Variants in KLRG1 observed in about 807,000 individuals in gnomAD.
KLRG1 encodes killer cell lectin like receptor G1.
Under a neutral mutation model 21.8 loss-of-function variants are expected in KLRG1, and 16 were observed. The ratio of observed to expected loss-of-function variants is 0.73; its 90% confidence interval spans 0.50 to 1.11. The LOEUF is 1.11. Ranked by LOEUF, KLRG1 falls within the 50% of genes most tolerant of loss-of-function variation. KLRG1 has a pLI of 0.00. For missense variants in KLRG1, 173 were observed against 218.3 expected, an observed-to-expected ratio of 0.79 and a Z score of 1.31; for synonymous variants, 69 against 75.9, an observed-to-expected ratio of 0.91 and a Z score of 0.47.
the KLRG1 span, among the ~76,000 whole-genome samples, chr12:9,120,560 T>C: frequency 6.6e-6 from 1 of 152,258 alleles, no homozygotes; most frequent in Non-Finnish European, 1.5e-5. Flanking sequence ...ATATAACTTA[T>C]TTAATTGTAC....
chr12:9,202,192 T>C, the KLRG1 span: 1 of 834,414 alleles, frequency 1.2e-6, no homozygotes, highest in South Asian at 1.7e-5. Flanking sequence ...AAATCTGTGC[T>C]GAGGCTGGAG....
At chr12:9,056,289 T>C in the KLRG1 span, among the ~76,000 whole-genome samples, 1 of 152,136 alleles carries the variant, frequency 6.6e-6, no homozygotes, top group Non-Finnish European at 1.5e-5. Context: ...TGGGGAAATA[T>C]ATAGACATGG....
the KLRG1 span, among the ~76,000 whole-genome samples, chr12:9,049,424 G>A: frequency 6.6e-6 from 1 of 152,064 alleles, no homozygotes; most frequent in Non-Finnish European, 1.5e-5. Flanking sequence ...TGGAGCTGGG[G>A]TTTAGAGTCA....
intron 1 of KLRG1, among the ~76,000 whole-genome samples, chr12:8,961,562 A>C (rs570018037): frequency 1.3e-5 from 2 of 150,206 alleles, no homozygotes; most frequent in African/African-American, 4.9e-5. Flanking sequence ...ACAGGCACCC[A>C]CCACCATGCT....
the KLRG1 span, chr12:9,106,171 C>T: frequency 1.1e-6 from 1 of 946,186 alleles, no homozygotes; most frequent in Non-Finnish European, 1.7e-6. Flanking sequence ...TTAGCACAAA[C>T]CATAACTATT....
the KLRG1 span, among the ~76,000 whole-genome samples, chr12:9,034,620 G>A: frequency 1.3e-5 from 2 of 151,922 alleles, no homozygotes; most frequent in African/African-American, 4.8e-5. Flanking sequence ...CTAATTTTTT[G>A]TATTTTTAGT....
the KLRG1 span, among the ~76,000 whole-genome samples, chr12:9,076,227 A>G: frequency 0.38 from 57,509 of 152,106 alleles, 11,618 homozygotes; most frequent in African/African-American, 0.49. Context: ...TGATATGTTA[A>G]TTGTAATAAC....
chr12:8,969,172 C>T (rs1048696172), intron 1 of KLRG1, among the ~76,000 whole-genome samples: 1 of 152,200 alleles, frequency 6.6e-6, no homozygotes, highest in African/African-American at 2.4e-5. Flanking sequence ...AAAACCGTGT[C>T]TGGCTCCTCC....
the KLRG1 span, chr12:9,149,675 C>A: frequency 2.0e-6 from 3 of 1,465,794 alleles, no homozygotes; most frequent in African/African-American, 2.8e-5. Flanking sequence ...TCTGTCTAGT[C>A]ACTTTACTAC....
chr12:8,959,566 C>G (rs1057118402), intron 1 of KLRG1, among the ~76,000 whole-genome samples: 2 of 152,164 alleles, frequency 1.3e-5, no homozygotes, highest in African/African-American at 4.8e-5. Flanking sequence ...TGTCGTTCTC[C>G]TCACTTGGCT....
At chr12:9,029,212 T>A in the KLRG1 span, 17 of 179,632 alleles carry the variant, frequency 9.5e-5, no homozygotes, top group Admixed American at 4.3e-4. Context: ...TTTTAAAATT[T>A]TTTATTTATT....
the KLRG1 span, among the ~76,000 whole-genome samples, chr12:9,175,616 G>A: frequency 2.0e-5 from 3 of 151,824 alleles, no homozygotes; most frequent in Admixed American, 6.6e-5. Context: ...AAATTTACAA[G>A]AAATAAAAAC....
intron 1 of KLRG1, among the ~76,000 whole-genome samples, chr12:8,977,322 G>GC (rs1946673350): frequency 6.6e-6 from 1 of 150,842 alleles, no homozygotes; most frequent in Non-Finnish European, 1.5e-5. Flanking sequence ...TCCTGCCTCA[G>GC]CCTCCTGATT....
the KLRG1 span, chr12:9,197,122 A>G: frequency 6.3e-7 from 1 of 1,590,202 alleles, no homozygotes; most frequent in Admixed American, 1.7e-5. Context: ...CCATAAGTGT[A>G]TCTGGTACAT....
the KLRG1 span, among the ~76,000 whole-genome samples, chr12:9,022,478 T>C: frequency 6.6e-6 from 1 of 152,214 alleles, no homozygotes; most frequent in Non-Finnish European, 1.5e-5. Flanking sequence ...TCCTCCCATT[T>C]CCTGACATAT....
chr12:9,090,138 A>T, the KLRG1 span: 1 of 1,461,900 alleles, frequency 6.8e-7, no homozygotes, highest in South Asian at 1.4e-5. Flanking sequence ...AAAACACAGA[A>T]GCAGGAACGG....
the KLRG1 span, chr12:9,154,829 G>A: frequency 6.2e-7 from 1 of 1,613,910 alleles, no homozygotes; most frequent in African/African-American, 1.3e-5. Flanking sequence ...GCTCCCAATG[G>A]ACGAGGTTGT....
the KLRG1 span, chr12:9,101,137 TACTC>T: frequency 1.3e-6 from 2 of 1,557,620 alleles, no homozygotes; most frequent in East Asian, 2.4e-5. Context: ...ATGATGGAAA[TACTC>T]ACTGTCTTCC....
chr12:9,078,997 C>T, the KLRG1 span, among the ~76,000 whole-genome samples: 1 of 151,948 alleles, frequency 6.6e-6, no homozygotes, highest in Non-Finnish European at 1.5e-5. Flanking sequence ...GAAAGAATAG[C>T]CATTTCAGAA....
Sources: allele counts gnomAD v4.1 joint callset (sites outside exome capture counted in the v4.1 genomes callset), GRCh38; gene constraint gnomAD v4.1.1; transcripts MANE v1.5; gene names NCBI Gene and HGNC (gene_info 2026-07-23, HGNC 2026-07-21).